CTSO: variants seen among roughly 807,000 people sequenced by gnomAD.
CTSO encodes the protein cathepsin O.
Under a neutral mutation model 42.4 loss-of-function variants are expected in CTSO, and 40 were observed. The observed-to-expected ratio is 0.94, with a 90% CI of 0.73 to 1.23. The LOEUF is 1.23. CTSO is among the 50% of genes most tolerant of loss of function. The probability of loss-of-function intolerance (pLI) is 0.00; values close to 1 mark genes in which losing one functional copy is unlikely to be tolerated. For synonymous variants in CTSO, 156 were observed against 146.2 expected (o/e 1.07, Z -0.48); for missense variants, 441 against 396.0 (o/e 1.11, Z -0.96).
rs10005054 is a variant in CTSO at position 155,952,026 on chromosome 4, C to G, written c.135+1687G>C. On this transcript the variant is annotated intron_variant, in intron 1 of 7. Coordinates refer to ENST00000433477, the MANE Select transcript of CTSO (RefSeq NM_001334.3). ...TCTTGGATAAAGTCCAACTAAGCAC[C>G]GAGAGGTGTTCAGTTTCCAGCAACT... Among the ~76,000 whole-genome samples, 1,116 of 152,246 alleles carry G rather than the reference C, an allele frequency of 7.3e-3. 13 individuals carry two copies. Among genetic ancestry groups the G allele is most frequent in the African/African-American group, 0.026 (1,075 of 41,538 alleles).
At chr4:155,929,425 G>T in intron 6 of CTSO, 117 bp downstream of exon 6, 1 of 986,270 alleles carries the variant, frequency 1.0e-6, no homozygotes, top group Non-Finnish European at 1.5e-6. Context: ...AAGTTGTGAA[G>T]GTCTTATGAG....
intron 1 of CTSO, among the ~76,000 whole-genome samples, chr4:155,947,701 T>C (rs1743573520): frequency 6.6e-6 from 1 of 152,218 alleles, no homozygotes; most frequent in Non-Finnish European, 1.5e-5. Flanking sequence ...TGATTCTGGC[T>C]ATTAAAGATT....
At chr4:155,943,354 A>G in intron 1 of CTSO, 90 bp from the exon 2 acceptor site, 1 of 693,472 alleles carries the variant, frequency 1.4e-6, no homozygotes, top group Non-Finnish European at 2.5e-6. Flanking sequence ...TTTTTCAATT[A>G]TAAAGTTAAA....
intron 1 of CTSO, among the ~76,000 whole-genome samples, chr4:155,949,787 A>G (rs1017993064): frequency 6.6e-6 from 1 of 152,226 alleles, no homozygotes; most frequent in Non-Finnish European, 1.5e-5. Flanking sequence ...TAAACTTTAG[A>G]TCAGTGATTC....
At chr4:155,946,202 C>T (rs1254398270) in intron 1 of CTSO, among the ~76,000 whole-genome samples, 1 of 152,184 alleles carries the variant, frequency 6.6e-6, no homozygotes, top group Admixed American at 6.5e-5. Context: ...CAATATATTG[C>T]CACTCAAGTT....
At chr4:155,949,939 C>T (rs887884635) in intron 1 of CTSO, among the ~76,000 whole-genome samples, 3 of 152,318 alleles carry the variant, frequency 2.0e-5, no homozygotes, top group Non-Finnish European at 4.4e-5. Flanking sequence ...CAACAAATCA[C>T]TATCCATTCT....
Position 155,926,063 on chromosome 4 carries a change from T to C in CTSO, c.939A>G (p.Ala313=). ...ACACAAATATAGAAGAAACGGAATC[T>C]GCAATACCTAAGGGAAAAAAAAGGA... ...VKMGSNVCGI[A]DSVSSIFV is the part of the protein sequence containing the mutation. Residue 313 remains alanine, a synonymous_variant, in exon 8 of 8, where the codon GCA becomes GCG. Transcript: ENST00000433477. The C allele has an allele frequency of 6.4e-7, 1 of 1,557,518 alleles. No homozygotes were observed. Among genetic ancestry groups the C allele is most frequent in the South Asian group, 1.2e-5 (1 of 85,658 alleles).
intron 1 of CTSO, among the ~76,000 whole-genome samples, chr4:155,951,393 G>A (rs1743671588): frequency 6.6e-6 from 1 of 152,186 alleles, no homozygotes; most frequent in African/African-American, 2.4e-5. Context: ...CTGAGCACTG[G>A]AAGTTTCTAA....
At chr4:155,951,813 C>A (rs139513385) in intron 1 of CTSO, among the ~76,000 whole-genome samples, 1 of 152,102 alleles carries the variant, frequency 6.6e-6, no homozygotes, top group Non-Finnish European at 1.5e-5. Flanking sequence ...ATCCCAAGTC[C>A]GAACAGCAAT....
chr4:155,942,264 A>G lies in CTSO; in HGVS notation c.384+53T>C, dbSNP rs938522827. 4.8e-5 allele frequency: 69 copies of G among 1,451,814 alleles called. No homozygotes were observed. In the East Asian group the frequency reaches 1.8e-3, roughly 38 times the overall value. The allele number at this position is 1,451,814 out of a possible 1,614,324, so 89.9% of individuals were successfully genotyped here. A position where few individuals can be genotyped will look rare whatever the true frequency, so the allele number is the denominator to read the frequency against. On this transcript the variant is annotated intron_variant, in intron 3 of 7. Transcript: ENST00000433477. ...ACAACTTTGATTAAACTTGACCTCA[A>G]AGCTGCCTTTCAATGCTTAGATGAT...
At chr4:155,946,577 C>A (rs1214612133) in intron 1 of CTSO, among the ~76,000 whole-genome samples, 3 of 152,082 alleles carry the variant, frequency 2.0e-5, no homozygotes, top group Non-Finnish European at 4.4e-5. Flanking sequence ...ATGTTGCTGT[C>A]TTCCACTTGT....
At chr4:155,927,076 A>G (rs1449286209) in intron 7 of CTSO, among the ~76,000 whole-genome samples, 1 of 152,128 alleles carries the variant, frequency 6.6e-6, no homozygotes, top group East Asian at 1.9e-4. Context: ...ATTCTGGCCA[A>G]TATATTTCTG....
intron 6 of CTSO, among the ~76,000 whole-genome samples, chr4:155,928,718 A>G (rs988484253): frequency 1.3e-5 from 2 of 152,224 alleles, no homozygotes; most frequent in Non-Finnish European, 2.9e-5. Flanking sequence ...GAAAAAGAAA[A>G]AAGAACTTTT....
chr4:155,942,528 T>A (rs1274774018), intron 2 of CTSO, 72 bp from the exon 3 acceptor site: 2 of 682,848 alleles, frequency 2.9e-6, no homozygotes, highest in African/African-American at 3.9e-5. Context: ...ATATCATATA[T>A]ATTTGTTATA....
In CTSO at chr4:155,925,195, T is replaced by G. The variant is rs983433059; in HGVS notation, c.*841A>C. On this transcript the variant is annotated 3_prime_UTR_variant, in exon 8 of 8. Transcript: ENST00000433477. Reference sequence around the variant, plus strand: ...AGGGAAGCCAAGCCACCAGGAAAACTTGGTAAAGAGTAAGAGAAAGAGGGA... The same window carrying G: ...AGGGAAGCCAAGCCACCAGGAAAACGTGGTAAAGAGTAAGAGAAAGAGGGA... 6 of 42,780 alleles carry G rather than the reference T, an allele frequency of 1.4e-4. No homozygotes were observed. Among genetic ancestry groups the G allele is most frequent in the African/African-American group, 2.0e-4 (6 of 30,482 alleles). 2.7% of individuals were successfully genotyped at this position (42,780 alleles called of 1,614,324 possible).
rs1450678585 is a variant in CTSO, at chr4:155,925,243, G to T, written c.*793C>A. On this transcript the variant is annotated 3_prime_UTR_variant, in exon 8 of 8. Transcript: ENST00000433477. ...GGAGAAAATATGAGATAATATTTTG[G>T]TATTTTGATATACTAGAGAACAAAA... The T allele has an allele frequency of 1.3e-5, 2 of 152,054 alleles. No homozygotes were observed. Among genetic ancestry groups the T allele is most frequent in the African/African-American group, 2.4e-5 (1 of 41,392 alleles). 9.4% of individuals were successfully genotyped at this position (152,054 alleles called of 1,614,324 possible). A position where few individuals can be genotyped will look rare whatever the true frequency, so the allele number is the denominator to read the frequency against.
chr4:155,935,257 T>TGTG (rs1491303485), intron 5 of CTSO, among the ~76,000 whole-genome samples: 2 of 152,192 alleles, frequency 1.3e-5, no homozygotes, highest in Non-Finnish European at 2.9e-5. Flanking sequence ...CATGTGGAAC[T>TGTG]GTAAGTCCAA....
chr4:155,938,396 G>C (rs1159738458), intron 4 of CTSO, among the ~76,000 whole-genome samples: 3 of 152,088 alleles, frequency 2.0e-5, no homozygotes, highest in Non-Finnish European at 2.9e-5. Context: ...TTCAGGTTTG[G>C]GGAACTCTGG....
In CTSO at chr4:155,924,833, T is replaced by C. The variant is rs959879124; in HGVS notation, c.*1203A>G. ...CTGTGTGGACGCAGGCTAATCAGAA[T>C]TGCACCTGAAATCACTTGTGCAATT... On this transcript the variant is annotated 3_prime_UTR_variant, in exon 8 of 8. Transcript: ENST00000433477. 1 of 152,116 alleles carries C rather than the reference T, an allele frequency of 6.6e-6. No individual in the cohort carries two copies. The allele number at this position is 152,116 out of a possible 1,614,324, so 9.4% of individuals were successfully genotyped here.
Sources: allele counts gnomAD v4.1 joint callset (sites outside exome capture counted in the v4.1 genomes callset), GRCh38; gene constraint gnomAD v4.1.1; transcripts MANE v1.5; gene names NCBI Gene and HGNC (gene_info 2026-07-23, HGNC 2026-07-21).